MSRB3: variants seen among roughly 807,000 people sequenced by gnomAD.
MSRB3 encodes the protein methionine sulfoxide reductase B3.
Under a neutral mutation model 21.0 loss-of-function variants are expected in MSRB3, and 13 were observed. The observed-to-expected ratio is 0.62, with a 90% confidence interval of 0.40 to 0.98. The LOEUF (loss-of-function observed/expected upper bound fraction) is 0.98. MSRB3 is among the 50% of genes least tolerant of loss of function. The pLI, the probability that MSRB3 is intolerant of heterozygous loss-of-function variation, is 0.00. For synonymous variants in MSRB3, 87 were observed against 88.6 expected, an observed-to-expected ratio of 0.98 and a Z score of 0.10; for missense variants, 199 against 230.3, an observed-to-expected ratio of 0.86 and a Z score of 0.88.
Position 65,450,132 on chromosome 12 carries a change from T to C in MSRB3, c.293-3596T>C, listed in dbSNP as rs1882793263. Among the ~76,000 whole-genome samples the C allele has an allele frequency of 2.6e-5, 4 of 152,140 alleles. No homozygotes were observed. The South Asian group carries it at 8.3e-4, about 31-fold the overall frequency. On this transcript the variant is annotated intron_variant, in intron 5 of 6. Transcript: ENST00000308259. ...TGCTGCAATCTAAAAAAAAAATCCA[T>C]TCTAGTGTAGATGATATAGCAAGCA... is the stretch of plus-strand genomic sequence containing the variant.
At chr12:65,401,447 C>T (rs755685391) in intron 5 of MSRB3, among the ~76,000 whole-genome samples, 27 of 151,874 alleles carry the variant, frequency 1.8e-4, no homozygotes, top group Admixed American at 7.9e-4. Flanking sequence ...GCTTTTTTTG[C>T]TTTCCATTTG....
chr12:65,460,965 A>C (rs1883303076), intron 6 of MSRB3, among the ~76,000 whole-genome samples: 1 of 151,818 alleles, frequency 6.6e-6, no homozygotes, highest in African/African-American at 2.4e-5. Context: ...ACTATGCTTT[A>C]TTTTTGGTGT....
chr12:65,372,185 G>A (rs1304437688), intron 5 of MSRB3, among the ~76,000 whole-genome samples: 1 of 152,074 alleles, frequency 6.6e-6, no homozygotes, highest in African/African-American at 2.4e-5. Context: ...AAGGATCGTG[G>A]CATTTTCATG....
intron 5 of MSRB3, among the ~76,000 whole-genome samples, chr12:65,371,842 ATCTT>A (rs1237813857): frequency 1.3e-5 from 2 of 152,120 alleles, no homozygotes; most frequent in East Asian, 1.9e-4. Flanking sequence ...TCAGAATTGC[ATCTT>A]TCTTTTTTTT....
At chr12:65,339,593 ATAAT>A (rs1876007967) in intron 4 of MSRB3, among the ~76,000 whole-genome samples, 1 of 152,238 alleles carries the variant, frequency 6.6e-6, no homozygotes, top group Non-Finnish European at 1.5e-5. Flanking sequence ...ACAGTTGTAA[ATAAT>A]GTAGTTAAGT....
At position 65,278,802 on chromosome 12, in the gene MSRB3, T is replaced by C; in HGVS notation, c.-115T>C. 6.4e-7 allele frequency: 1 copy of C among 1,570,756 alleles called. No individual in the cohort carries two copies. Among genetic ancestry groups the C allele is most frequent in the Non-Finnish European group, 8.6e-7 (1 of 1,158,538 alleles). ...GCGGCGGACCCTCCCGCGCCCCCTC[T>C]CGCTCTGCCTCTCCCTCTGCCTCTG... On this transcript the variant is annotated 5_prime_UTR_variant, in exon 1 of 7. Transcript: ENST00000308259.
Position 65,453,814 on chromosome 12 carries a change from A to T in MSRB3, c.379A>T (p.Ser127Cys). Reference protein sequence around the residue: ...FSYGMHRVETSCSQCGAHLGH... With the variant: ...FSYGMHRVETCCSQCGAHLGH... The stretch of plus-strand genomic sequence containing the variant: ...CTATGGGATGCACAGGGTGGAAACA[A>T]GCTGCTCTCAGGTGAGTTCATCCTT... The change falls in exon 6 of 7, where the codon AGC becomes TGC. Residue 127 changes from serine (S) to cysteine (C), a missense_variant. Ser to Cys is a moderately radical substitution (Grantham distance 112). Transcript: ENST00000308259. 1 of 1,613,756 alleles carries T rather than the reference A, an allele frequency of 6.2e-7. No homozygotes were observed.
intron 5 of MSRB3, among the ~76,000 whole-genome samples, chr12:65,422,309 G>A (rs1881342736): frequency 6.8e-6 from 1 of 146,842 alleles, no homozygotes; most frequent in African/African-American, 2.5e-5. Context: ...GCCAGTATTA[G>A]ACAGATAATC....
chr12:65,327,437 C>A lies in MSRB3; in HGVS notation c.185+503C>A, dbSNP rs1424574191. ...ATTGGCTCATTTGTGGTTGGAATGT[C>A]AAAAATTTTCAATAACTGCCCTCAC... On this transcript the variant is annotated intron_variant, in intron 3 of 6. Transcript: ENST00000308259. 2.6e-5 allele frequency among the ~76,000 whole-genome samples: 4 copies of A among 152,316 alleles called. No homozygotes were observed. In the East Asian group the frequency reaches 7.7e-4, roughly 29 times the overall value.
intron 1 of MSRB3, among the ~76,000 whole-genome samples, chr12:65,301,055 C>T (rs532277876): frequency 4.3e-4 from 65 of 152,228 alleles, no homozygotes; most frequent in African/African-American, 1.5e-3. Flanking sequence ...GTACCTAGCT[C>T]AGGGTTGATG....
At chr12:65,360,643 A>G (rs1036911997) in intron 4 of MSRB3, among the ~76,000 whole-genome samples, 1 of 152,088 alleles carries the variant, frequency 6.6e-6, no homozygotes, top group African/African-American at 2.4e-5. Flanking sequence ...ATGCAGGGAA[A>G]AAAAGTAGGT....
intron 4 of MSRB3, among the ~76,000 whole-genome samples, chr12:65,352,136 C>G (rs1464680769): frequency 2.0e-5 from 3 of 152,152 alleles, no homozygotes; most frequent in Non-Finnish European, 4.4e-5. Flanking sequence ...GGCTTCATCC[C>G]TGAGATGCAA....
chr12:65,455,556 C>T (rs748550584), intron 6 of MSRB3, among the ~76,000 whole-genome samples: 5 of 152,070 alleles, frequency 3.3e-5, no homozygotes, highest in Admixed American at 6.5e-5. Context: ...GAAACTGAGG[C>T]ACAAAGAGAG....
rs561451287 is a variant in MSRB3, at chr12:65,426,831, C to T, written c.293-26897C>T. Among the ~76,000 whole-genome samples, 3 of 152,106 alleles carry T rather than the reference C, an allele frequency of 2.0e-5. No individual in the cohort carries two copies. In the East Asian group the frequency reaches 5.8e-4, roughly 29 times the overall value. ...TCTGCTTAATCAGTTCTTTTTACTT[C>T]TCTATGGGTTTTAAATTTCATTCCT... On this transcript the variant is annotated intron_variant, in intron 5 of 6. Coordinates refer to ENST00000308259, the MANE Select transcript of MSRB3 (RefSeq NM_001031679.3).
Position 65,403,869 on chromosome 12 carries a change from AC to A in MSRB3, c.292+34847del, listed in dbSNP as rs1880265678. Among the ~76,000 whole-genome samples, 8 of 151,896 alleles carry A rather than the reference AC, an allele frequency of 5.3e-5. 3 individuals carry two copies. Among genetic ancestry groups the A allele is most frequent in the Admixed American group, 5.2e-4 (8 of 15,254 alleles). On this transcript the variant is annotated intron_variant, in intron 5 of 6. Transcript: ENST00000308259. ...CTTGGCTAGGGGAGGGAGTTCCCTGACCCCTTCTGCTTCCTGGGTCAAGTGA... is the reference window on the plus strand; with the variant it reads ...CTTGGCTAGGGGAGGGAGTTCCCTGACCCTTCTGCTTCCTGGGTCAAGTGA...
chr12:65,407,760 T>C (rs956263945), intron 5 of MSRB3, among the ~76,000 whole-genome samples: 1 of 152,194 alleles, frequency 6.6e-6, no homozygotes, highest in Non-Finnish European at 1.5e-5. Flanking sequence ...TCCCTTTGCA[T>C]TTATTGTTTT....
chr12:65,362,702 A>T (rs1030934640), intron 4 of MSRB3, among the ~76,000 whole-genome samples: 8 of 152,160 alleles, frequency 5.3e-5, no homozygotes, highest in African/African-American at 1.9e-4. Flanking sequence ...CAAATAATTG[A>T]TAATTAGGCT....
chr12:65,291,434 G>C (rs1872659570), intron 1 of MSRB3, among the ~76,000 whole-genome samples: 1 of 150,744 alleles, frequency 6.6e-6, no homozygotes, highest in Non-Finnish European at 1.5e-5. Flanking sequence ...CCAAGCTCTT[G>C]GGTAATTTCC....
At chr12:65,310,192 A>G (rs1006772574) in intron 2 of MSRB3, among the ~76,000 whole-genome samples, 1 of 152,178 alleles carries the variant, frequency 6.6e-6, no homozygotes, top group African/African-American at 2.4e-5. Context: ...CTTAATGTAT[A>G]GAGGCCCCAA....
Sources: allele counts gnomAD v4.1 joint callset (sites outside exome capture counted in the v4.1 genomes callset), GRCh38; gene constraint gnomAD v4.1.1; transcripts MANE v1.5; gene names NCBI Gene and HGNC (gene_info 2026-07-23, HGNC 2026-07-21).